Variants in NAA35 observed in about 807,000 individuals in gnomAD.
The protein encoded by NAA35 is N-alpha-acetyltransferase 35, NatC auxiliary subunit.
Under a neutral mutation model 101.7 loss-of-function variants are expected in NAA35, and 18 were observed. The observed-to-expected ratio is 0.18, with a 90% CI of 0.12 to 0.26. NAA35 has a LOEUF of 0.26. Ranked by LOEUF, NAA35 falls within the 10% of genes least tolerant of loss-of-function variation. NAA35 has a pLI of 1.00. For missense variants in NAA35, 601 were observed against 886.8 expected (o/e 0.68, Z 4.09); for synonymous variants, 267 against 273.1 (o/e 0.98, Z 0.22).
chr9:85,942,369 A>G (rs1341700939), intron 2 of NAA35, 86 bp downstream of exon 2: 3 of 1,527,424 alleles, frequency 2.0e-6, no homozygotes, highest in Non-Finnish European at 2.6e-6. Context: ...CATTAGATGA[A>G]ATCAACAGGT....
Position 86,021,980 on chromosome 9 carries a change from C to A in NAA35, c.*20C>A. ...GTTTGAGAGAGACTGGGGAGGTGGCCATAAAGGGGCAGAGTCTTCTTTCAG... is the reference window on the plus strand; with the variant it reads ...GTTTGAGAGAGACTGGGGAGGTGGCAATAAAGGGGCAGAGTCTTCTTTCAG... On this transcript the variant is annotated 3_prime_UTR_variant, in exon 23 of 23. Coordinates refer to ENST00000361671, the MANE Select transcript of NAA35 (RefSeq NM_024635.4). 6.2e-7 allele frequency: 1 copy of A among 1,602,242 alleles called. No individual in the cohort carries two copies. Among genetic ancestry groups the A allele is most frequent in the Non-Finnish European group, 8.5e-7 (1 of 1,170,388 alleles).
chr9:85,954,207 A>G (rs1170278380), intron 2 of NAA35, among the ~76,000 whole-genome samples: 2 of 152,120 alleles, frequency 1.3e-5, no homozygotes, highest in Admixed American at 6.6e-5. Context: ...CAGCCTCCCC[A>G]GTAGCTAGGA....
chr9:86,003,680 CATT>C (rs763875149), intron 13 of NAA35, 36 bp downstream of exon 13: 2 of 1,254,370 alleles, frequency 1.6e-6, no homozygotes, highest in African/African-American at 1.5e-5. Context: ...CTTATTTAAA[CATT>C]ATATGTGTAT....
At chr9:86,001,456 A>T (rs1831413642) in intron 12 of NAA35, among the ~76,000 whole-genome samples, 1 of 152,072 alleles carries the variant, frequency 6.6e-6, no homozygotes, top group Non-Finnish European at 1.5e-5. Flanking sequence ...TTTTGTCTCG[A>T]TGATCCATCT....
chr9:85,989,379 G>C (rs1830795666), intron 11 of NAA35, among the ~76,000 whole-genome samples: 1 of 152,094 alleles, frequency 6.6e-6, no homozygotes, highest in Non-Finnish European at 1.5e-5. Context: ...GTTGAGGCAG[G>C]AGAATCGCTT....
At chr9:85,979,707 G>T (rs184295106) in intron 11 of NAA35, among the ~76,000 whole-genome samples, 94 of 152,278 alleles carry the variant, frequency 6.2e-4, no homozygotes, top group African/African-American at 2.0e-3. Flanking sequence ...TTTTGGAAAA[G>T]ATTTCACTCT....
intron 22 of NAA35, among the ~76,000 whole-genome samples, 186 bp downstream of exon 22, chr9:86,021,155 T>TA (rs1832527764): frequency 6.6e-6 from 1 of 152,246 alleles, no homozygotes; most frequent in South Asian, 2.1e-4. Flanking sequence ...TTTGTTGAGT[T>TA]AAAATTTCTA....
Position 85,956,404 on chromosome 9 carries a change from A to C in NAA35, c.158+11A>C. Reference sequence around the variant, plus strand: ...ACTTCATGATAAGCTGTAAGTATTTATCCTTTGAAAATAGTGTAGTGTAAT... The same window carrying C: ...ACTTCATGATAAGCTGTAAGTATTTCTCCTTTGAAAATAGTGTAGTGTAAT... On this transcript the variant is annotated intron_variant, in intron 3 of 22. Transcript: ENST00000361671. The C allele has an allele frequency of 7.2e-7, 1 of 1,389,318 alleles. No homozygotes were observed. Among genetic ancestry groups the C allele is most frequent in the Non-Finnish European group, 9.7e-7 (1 of 1,025,920 alleles). 86.1% of individuals were successfully genotyped at this position (1,389,318 alleles called of 1,614,324 possible). A position where few individuals can be genotyped will look rare whatever the true frequency, so the allele number is the denominator to read the frequency against.
chr9:86,019,351 C>CT (rs750932471), intron 21 of NAA35, among the ~76,000 whole-genome samples: 15 of 152,158 alleles, frequency 9.9e-5, no homozygotes, highest in Non-Finnish European at 1.9e-4. Flanking sequence ...ATCCCAGCTA[C>CT]TGGGGAGGCT....
chr9:85,992,189 A>G lies in NAA35; in HGVS notation c.878-4210A>G, dbSNP rs548810776. On this transcript the variant is annotated intron_variant, in intron 11 of 22. Coordinates refer to ENST00000361671, the MANE Select transcript of NAA35 (RefSeq NM_024635.4). ...ACTCCGTCTCAAAAAAAAAAAAATAATAAAAAATAAATGAATAAAATAATA... is the reference window on the plus strand; with the variant it reads ...ACTCCGTCTCAAAAAAAAAAAAATAGTAAAAAATAAATGAATAAAATAATA... 1.6e-3 allele frequency among the ~76,000 whole-genome samples: 236 copies of G among 151,496 alleles called. 1 individual carries two copies. The highest frequency in any genetic ancestry group is 3.6e-3 in the African/African-American group (148 of 41,324).
intron 8 of NAA35, 82 bp downstream of exon 8, chr9:85,975,239 A>G: frequency 7.2e-7 from 1 of 1,383,466 alleles, no homozygotes; most frequent in Non-Finnish European, 1.0e-6. Flanking sequence ...AAATGTGTAG[A>G]ACCACCTTTC....
At chr9:85,962,688 T>A (rs1829572789) in intron 6 of NAA35, among the ~76,000 whole-genome samples, 1 of 152,184 alleles carries the variant, frequency 6.6e-6, no homozygotes, top group Non-Finnish European at 1.5e-5. Flanking sequence ...AGAAAGGGCT[T>A]TCATCTTAGC....
At position 85,978,308 on chromosome 9, in the gene NAA35, A is replaced by G. The variant is rs766988271; in HGVS notation, c.804A>G (p.Ala268=). ...VAEAQKLMVQ[A]ADLLSAIHNS... ...AAGCTCAAAAATTGATGGTTCAAGCAGCAGATCTTCTTTCTGCCATTCATA... is the reference window on the plus strand; with the variant it reads ...AAGCTCAAAAATTGATGGTTCAAGCGGCAGATCTTCTTTCTGCCATTCATA... The change falls in exon 11 of 23, where the codon GCA becomes GCG. Residue 268 remains alanine, a synonymous_variant. Coordinates refer to ENST00000361671, the MANE Select transcript of NAA35 (RefSeq NM_024635.4). 5.0e-6 allele frequency: 8 copies of G among 1,613,496 alleles called. No individual in the cohort carries two copies. The highest frequency in any genetic ancestry group is 3.3e-4 in the Middle Eastern group (2 of 6,056).
At chr9:85,967,813 A>G (rs1829829816) in intron 6 of NAA35, among the ~76,000 whole-genome samples, 1 of 149,690 alleles carries the variant, frequency 6.7e-6, no homozygotes, top group African/African-American at 2.5e-5. Flanking sequence ...AAAAAAAAAG[A>G]TTTATAATGA....
chr9:85,974,442 G>T (rs774850667), intron 6 of NAA35, among the ~76,000 whole-genome samples: 1 of 152,128 alleles, frequency 6.6e-6, no homozygotes, highest in Non-Finnish European at 1.5e-5. Context: ...GGGAATGGGG[G>T]TCCTATGTCT....
chr9:85,990,725 C>G (rs765966747), intron 11 of NAA35, among the ~76,000 whole-genome samples: 1 of 152,196 alleles, frequency 6.6e-6, no homozygotes, highest in Non-Finnish European at 1.5e-5. Flanking sequence ...GGCATGTGCG[C>G]TAGAGCGAGA....
Position 85,958,591 on chromosome 9 carries a change from T to A in NAA35, c.273+5T>A. On this transcript the variant is annotated splice_donor_5th_base_variant and intron_variant, in intron 4 of 22. Transcript: ENST00000361671. ...AATTTTGAACAAGCTATCAAGGTAGTTACCATTGTACTTTTTGTGTTTCCA... is the reference window on the plus strand; with the variant it reads ...AATTTTGAACAAGCTATCAAGGTAGATACCATTGTACTTTTTGTGTTTCCA... The A allele has an allele frequency of 6.3e-7, 1 of 1,579,834 alleles. No homozygotes were observed. The highest frequency in any genetic ancestry group is 1.1e-5 in the South Asian group (1 of 88,120).
At chr9:85,944,670 T>A (rs1828681724) in intron 2 of NAA35, among the ~76,000 whole-genome samples, 1 of 152,214 alleles carries the variant, frequency 6.6e-6, no homozygotes, top group Non-Finnish European at 1.5e-5. Flanking sequence ...GATTCATAGG[T>A]ACAAGATATC....
chr9:85,975,735 A>T (rs994455716), intron 8 of NAA35, among the ~76,000 whole-genome samples: 7 of 152,056 alleles, frequency 4.6e-5, no homozygotes, highest in Non-Finnish European at 7.4e-5. Context: ...AGTGTTTTAG[A>T]TTTTTACTAT....
Sources: gnomAD v4.1 joint callset for allele counts (sites outside exome capture counted in the v4.1 genomes callset) on GRCh38, gnomAD v4.1.1 for gene constraint, MANE v1.5 for transcripts, NCBI Gene and HGNC (gene_info 2026-07-23, HGNC 2026-07-21) for gene names.